Variants in ABCF2 observed in about 807,000 individuals in gnomAD.
ABCF2 encodes the protein ATP-binding cassette sub-family F member 2.
Under a neutral mutation model 76.9 loss-of-function variants are expected in ABCF2, and 37 were observed. That is an observed-to-expected ratio of 0.48 (90% CI 0.37 to 0.63). The LOEUF is 0.63. Among genes scored for constraint, ABCF2 ranks in the 30% least tolerant of loss-of-function variants. ABCF2 has a pLI of 0.00. For synonymous variants in ABCF2, 299 were observed against 283.7 expected (o/e 1.05, Z -0.54); for missense variants, 524 against 782.1 (o/e 0.67, Z 3.94).
intron 1 of ABCF2, 53 bp from the exon 2 acceptor site, chr7:151,226,553 C>A: frequency 1.5e-6 from 2 of 1,314,796 alleles, no homozygotes; most frequent in Non-Finnish European, 2.1e-6. Flanking sequence ...AGTAAGAATG[C>A]CTGGGCCCTG....
In ABCF2 at chr7:151,222,555, C is replaced by G. The variant is rs1400076793; in HGVS notation, c.784G>C (p.Asp262His). The G allele has an allele frequency of 3.7e-6, 6 of 1,613,902 alleles. No individual in the cohort carries two copies. In the Admixed American group the frequency reaches 1.0e-4, roughly 27 times the overall value. Residue 262 changes from aspartate (D) to histidine (H), a missense_variant, in exon 6 of 15, where the codon GAT (aspartate) becomes CAT (histidine). This residue lies in a region of ABCF2 where 330 missense variants were observed against 433.6 expected (regional missense o/e 0.76). Coordinates refer to ENST00000287844, the MANE Select transcript of ABCF2 (RefSeq NM_007189.3). ...LDEPTNHLDLDACVWLEEELK... is the reference protein window; with the variant it reads ...LDEPTNHLDLHACVWLEEELK... ...TCTTCTTCCAACCACACGCAAGCAT[C>G]TAGGTCCAGGTGGTTGGTAGGCTCA...
chr7:151,225,088 C>G, intron 2 of ABCF2, 100 bp from the exon 3 acceptor site: 2 of 1,074,754 alleles, frequency 1.9e-6, no homozygotes, highest in Non-Finnish European at 2.8e-6. Context: ...CTGCTGAGCA[C>G]TCAGATGTTT....
At chr7:151,222,297 T>TA (rs199576317) in intron 6 of ABCF2, among the ~76,000 whole-genome samples, 44 of 150,210 alleles carry the variant, frequency 2.9e-4, no homozygotes, top group South Asian at 8.4e-4. Flanking sequence ...GGATTTTTTT[T>TA]AAAAAAAAAA....
rs191274348 is a variant in ABCF2 at position 151,212,535 on chromosome 7, T to C, written c.*1519A>G. 4 of 974,610 alleles carry C rather than the reference T, an allele frequency of 4.1e-6. No individual in the cohort carries two copies. In the East Asian group the frequency reaches 4.6e-4, roughly 111 times the overall value. The allele number at this position is 974,610 out of a possible 1,614,324, so 60.4% of individuals were successfully genotyped here. On this transcript the variant is annotated 3_prime_UTR_variant, in exon 15 of 15. Transcript: ENST00000287844. ...ATTTTTTTGAGACAGTGTCTCGGTC[T>C]GTCATCAGGCTGGAGTGTAGCGGCA...
rs182824679 is a variant in ABCF2 at position 151,220,351 on chromosome 7, T to C, written c.922-1192A>G. ...TTGCAGTGAGCCCAGATCGCGCCACTGCACTCCAGCCTGGCGACGGAGCAA... is the reference window on the plus strand; with the variant it reads ...TTGCAGTGAGCCCAGATCGCGCCACCGCACTCCAGCCTGGCGACGGAGCAA... On this transcript the variant is annotated intron_variant, in intron 7 of 14. Transcript: ENST00000287844. Among the ~76,000 whole-genome samples the C allele has an allele frequency of 9.3e-3, 1,241 of 133,432 alleles. 28 individuals are homozygous for C. Among genetic ancestry groups the C allele is most frequent in the African/African-American group, 0.034 (1,176 of 34,406 alleles). The allele number at this position is 133,432 out of a possible 152,430, so 87.5% of individuals were successfully genotyped here. A position where few individuals can be genotyped will look rare whatever the true frequency, so the allele number is the denominator to read the frequency against.
rs534178045 is a variant in ABCF2, at chr7:151,213,237, T to C, written c.*817A>G. On this transcript the variant is annotated 3_prime_UTR_variant, in exon 15 of 15. Coordinates refer to ENST00000287844, the MANE Select transcript of ABCF2 (RefSeq NM_007189.3). ...CGTTCTTGGTCTCCCCCAAAACCTA[T>C]TGAACCAGAAACGCTGAGGCGAGAT... The C allele has an allele frequency of 1.0e-3, 991 of 978,746 alleles. No individual in the cohort carries two copies. The highest frequency in any genetic ancestry group is 1.1e-3 in the Non-Finnish European group (912 of 823,910). 60.6% of individuals were successfully genotyped at this position (978,746 alleles called of 1,614,324 possible).
chr7:151,223,638 TGG>T (rs1802315921), intron 5 of ABCF2, 38 bp downstream of exon 5: 1 of 1,548,556 alleles, frequency 6.5e-7, no homozygotes, highest in African/African-American at 1.4e-5. Context: ...ACTGGAGAGA[TGG>T]GGGAGTTATG....
Position 151,218,892 on chromosome 7 carries a change from A to T in ABCF2, c.1018-19T>A, listed in dbSNP as rs761498247. 2.0e-5 allele frequency: 32 copies of T among 1,612,770 alleles called. No homozygotes were observed. Among genetic ancestry groups the T allele is most frequent in the Non-Finnish European group, 2.5e-5 (30 of 1,179,974 alleles). ...TGTAGTTCTAAAAAAGACCAAAGAG[A>T]GCTTGGAGTATGTGCAGGCGCTCAA... On this transcript the variant is annotated intron_variant, in intron 8 of 14. Transcript: ENST00000287844.
chr7:151,226,196 A>T (rs145930547), intron 2 of ABCF2, 109 bp downstream of exon 2: 8 of 1,271,184 alleles, frequency 6.3e-6, no homozygotes, highest in African/African-American at 6.0e-5. Flanking sequence ...GAAAAGTTGC[A>T]TGACACCAGA....
rs1423589284 is a variant in ABCF2 at position 151,221,596 on chromosome 7, CTTG to C, written c.900_902del (p.Asn300del). The C allele has an allele frequency of 5.0e-6, 8 of 1,598,856 alleles. No individual in the cohort carries two copies. The highest frequency in any genetic ancestry group is 1.1e-5 in the South Asian group (1 of 90,792). On this transcript the variant is annotated inframe_deletion, in exon 7 of 15. Coordinates refer to ENST00000287844, the MANE Select transcript of ABCF2 (RefSeq NM_007189.3). Reference sequence around the variant, plus strand: ...CACTCACCGTATAATACTTCAGTTTCTTGTTGTGCATGTGAATGATATTGGTAC... The same window carrying C: ...CACTCACCGTATAATACTTCAGTTTCTTGTGCATGTGAATGATATTGGTAC...
chr7:151,225,423 T>C (rs1427799435), intron 2 of ABCF2, among the ~76,000 whole-genome samples: 1 of 152,142 alleles, frequency 6.6e-6, no homozygotes, highest in Non-Finnish European at 1.5e-5. Flanking sequence ...TGAAACAATT[T>C]AGACAAAGAA....
chr7:151,224,994 G>A lies in ABCF2; in HGVS notation c.155-6C>T. 1 of 1,613,560 alleles carries A rather than the reference G, an allele frequency of 6.2e-7. No individual in the cohort carries two copies. Among genetic ancestry groups the A allele is most frequent in the South Asian group, 1.1e-5 (1 of 91,082 alleles). ...CTTGGTCAGCAAATCTACTTCTGCGGATAGAAAAGCAGTTTGGGAAGATGG... is the reference window on the plus strand; with the variant it reads ...CTTGGTCAGCAAATCTACTTCTGCGAATAGAAAAGCAGTTTGGGAAGATGG... On this transcript the variant is annotated splice_region_variant and splice_polypyrimidine_tract_variant and intron_variant, in intron 2 of 14. Transcript: ENST00000287844.
chr7:151,215,491 A>G lies in ABCF2; in HGVS notation c.1530+113T>C. On this transcript the variant is annotated intron_variant, in intron 13 of 14. Coordinates refer to ENST00000287844, the MANE Select transcript of ABCF2 (RefSeq NM_007189.3). This position sits in a 1 kb window ranked among gnomAD's most constrained non-coding sequence, Gnocchi z 4.6. The stretch of plus-strand genomic sequence containing the variant: ...GGTTCTTAGGGGAGTCAAATGGAGG[A>G]GACTCTGGTTTGGACAGCTTCCAAA... 7.6e-7 allele frequency: 1 copy of G among 1,318,874 alleles called. No homozygotes were observed. The highest frequency in any genetic ancestry group is 2.3e-5 in the East Asian group (1 of 43,322). The allele number at this position is 1,318,874 out of a possible 1,614,324, so 81.7% of individuals were successfully genotyped here.
At position 151,225,006 on chromosome 7, in the gene ABCF2, G is replaced by A. The variant is rs1802345215; in HGVS notation, c.155-18C>T. The stretch of plus-strand genomic sequence containing the variant: ...ATCTACTTCTGCGGATAGAAAAGCA[G>A]TTTGGGAAGATGGCGTGAGACAGAC... On this transcript the variant is annotated intron_variant, in intron 2 of 14. Transcript: ENST00000287844. 2 of 1,611,598 alleles carry A rather than the reference G, an allele frequency of 1.2e-6. No homozygotes were observed. Among genetic ancestry groups the A allele is most frequent in the Admixed American group, 1.7e-5 (1 of 60,008 alleles).
rs1802140182 is a variant in ABCF2 at position 151,215,856 on chromosome 7, C to T, written c.1401+111G>A. On this transcript the variant is annotated intron_variant, in intron 12 of 14. Coordinates refer to ENST00000287844, the MANE Select transcript of ABCF2 (RefSeq NM_007189.3). The surrounding 1 kb of genome is among the most constrained non-coding windows in gnomAD (Gnocchi z 4.6). ...GGGTTCAAGAAGCAGGTAGGAGCCA[C>T]CTAGGCTGGAATTCCTGCCAGGGGG... 2 of 1,588,216 alleles carry T rather than the reference C, an allele frequency of 1.3e-6. No individual in the cohort carries two copies. Among genetic ancestry groups the T allele is most frequent in the Admixed American group, 1.7e-5 (1 of 57,772 alleles).
At position 151,214,833 on chromosome 7, in the gene ABCF2, C is replaced by T; in HGVS notation, c.1734+46G>A. On this transcript the variant is annotated intron_variant, in intron 14 of 14. Coordinates refer to ENST00000287844, the MANE Select transcript of ABCF2 (RefSeq NM_007189.3). This position sits in a 1 kb window ranked among gnomAD's most constrained non-coding sequence, Gnocchi z 4.9. ...CACATGCCATGACTACCCTACCCAA[C>T]CCCCTAGAAGCTCTGCTGTGCCTCA... 1.3e-6 allele frequency: 2 copies of T among 1,591,428 alleles called. No individual in the cohort carries two copies. The highest frequency in any genetic ancestry group is 1.7e-6 in the Non-Finnish European group (2 of 1,159,864).
At chr7:151,220,493 C>T (rs960043302) in intron 7 of ABCF2, among the ~76,000 whole-genome samples, 15 of 151,756 alleles carry the variant, frequency 9.9e-5, no homozygotes, top group Non-Finnish European at 2.1e-4. Context: ...TTCTGGAAGG[C>T]TATATTATAA....
At position 151,215,906 on chromosome 7, in the gene ABCF2, C is replaced by T; in HGVS notation, c.1401+61G>A. On this transcript the variant is annotated intron_variant, in intron 12 of 14. Coordinates refer to ENST00000287844, the MANE Select transcript of ABCF2 (RefSeq NM_007189.3). This position sits in a 1 kb window ranked among gnomAD's most constrained non-coding sequence, Gnocchi z 4.6. Reference sequence around the variant, plus strand: ...GTGGGGGCGGCTGGCTGGAACTCAGCCAGATACAGCCCCTCCCTATACCCT... The same window carrying T: ...GTGGGGGCGGCTGGCTGGAACTCAGTCAGATACAGCCCCTCCCTATACCCT... The T allele has an allele frequency of 1.9e-6, 3 of 1,593,902 alleles. No individual in the cohort carries two copies. The highest frequency in any genetic ancestry group is 2.6e-6 in the Non-Finnish European group (3 of 1,164,670).
rs949638727 is a variant in ABCF2, at chr7:151,213,589, A to G, written c.*465T>C. 1.0e-6 allele frequency: 1 copy of G among 988,556 alleles called. No homozygotes were observed. The highest frequency in any genetic ancestry group is 1.7e-5 in the African/African-American group (1 of 57,278). 61.2% of individuals were successfully genotyped at this position (988,556 alleles called of 1,614,324 possible). On this transcript the variant is annotated 3_prime_UTR_variant, in exon 15 of 15. Transcript: ENST00000287844. ...TACACTGCTAAATAATTATTTAAAA[A>G]CTGACCAGGACGAAGGTCCTGGTCC...
Sources: allele counts gnomAD v4.1 joint callset (sites outside exome capture counted in the v4.1 genomes callset), GRCh38; gene constraint gnomAD v4.1.1; regional missense constraint gnomAD v4.1.1; non-coding constraint Gnocchi (gnomAD v3.1); transcripts MANE v1.5; gene names NCBI Gene and HGNC (gene_info 2026-07-23, HGNC 2026-07-21).